Variants in DNAH5 observed in about 807,000 individuals in gnomAD.
DNAH5 encodes axonemal beta dynein heavy chain 5.
In DNAH5, 372 loss-of-function variants were observed where a neutral mutation model predicts 518.2. That is an observed-to-expected ratio of 0.72 (90% confidence interval 0.66 to 0.78). DNAH5 has a LOEUF of 0.78. Ranked by LOEUF, DNAH5 falls within the 30% of genes least tolerant of loss-of-function variation. DNAH5 has a pLI of 0.00. For missense variants in DNAH5, 5,523 were observed against 5,687.0 expected (o/e 0.97, Z 0.93); for synonymous variants, 2,039 against 2,025.9 (o/e 1.01, Z -0.17).
chr5:13,904,998 A>C (rs1256630401), intron 12 of DNAH5, among the ~76,000 whole-genome samples: 2 of 152,240 alleles, frequency 1.3e-5, no homozygotes, highest in African/African-American at 4.8e-5. Flanking sequence ...ATAATAACCA[A>C]AAGAAAGTCG....
intron 12 of DNAH5, among the ~76,000 whole-genome samples, chr5:13,910,098 C>G (rs1052036310): frequency 4.6e-5 from 7 of 152,204 alleles, no homozygotes; most frequent in Admixed American, 6.5e-5. Flanking sequence ...GTCCTTATGT[C>G]TGAATCTGCC....
intron 12 of DNAH5, among the ~76,000 whole-genome samples, chr5:13,908,332 A>G (rs1775602519): frequency 6.6e-6 from 1 of 152,350 alleles, no homozygotes; most frequent in Admixed American, 6.5e-5. Context: ...CTCTATGTAT[A>G]AATTATGCAA....
At position 13,840,986 on chromosome 5, in the gene DNAH5, C is replaced by G. The variant is rs1362563442; in HGVS notation, c.5629G>C (p.Asp1877His). The G allele has an allele frequency of 8.1e-6, 13 of 1,614,006 alleles. No homozygotes were observed. The highest frequency in any genetic ancestry group is 3.3e-5 in the Admixed American group (2 of 59,998). ...LNTLIDVTTRDLSSTERVKYE... is the reference protein window; with the variant it reads ...LNTLIDVTTRHLSSTERVKYE... Reference sequence around the variant, plus strand: ...TTCACTCGTTCCGTGGAACTCAGATCCCTCGTGGTGACGTCTATCAATGTA... The same window carrying G: ...TTCACTCGTTCCGTGGAACTCAGATGCCTCGTGGTGACGTCTATCAATGTA... Residue 1877 changes from aspartate (D) to histidine (H), a missense_variant, in exon 34 of 79, where the codon GAT becomes CAT. Physicochemically the swap from Asp to His is moderately conservative, Grantham distance 81 (BLOSUM62 -1). This residue lies in a region of DNAH5 where 5,121 missense variants were observed against 5,223.3 expected (regional missense o/e 0.98). Transcript: ENST00000265104.
At chr5:13,927,361 G>A (rs976329831) in intron 3 of DNAH5, among the ~76,000 whole-genome samples, 17 of 152,096 alleles carry the variant, frequency 1.1e-4, no homozygotes, top group South Asian at 4.2e-4. Context: ...GCGTGGTGGC[G>A]CGCACCTGTA....
intron 71 of DNAH5, 88 bp from the exon 72 acceptor site, chr5:13,719,189 A>T: frequency 2.8e-6 from 3 of 1,069,838 alleles, no homozygotes; most frequent in Non-Finnish European, 4.2e-6. Flanking sequence ...AAGTAATTAA[A>T]ATTTAATAGG....
At chr5:13,914,454 T>G in intron 10 of DNAH5, 66 bp downstream of exon 10, 1 of 1,539,686 alleles carries the variant, frequency 6.5e-7, no homozygotes, top group Non-Finnish European at 8.9e-7. Flanking sequence ...ACAAAATGAT[T>G]TAAGATGGTC....
intron 1 of DNAH5, among the ~76,000 whole-genome samples, chr5:13,941,461 C>G (rs1779452326): frequency 1.3e-5 from 2 of 152,304 alleles, no homozygotes; most frequent in Admixed American, 6.5e-5. Flanking sequence ...TTGATCTGCT[C>G]TATGTGAAAT....
intron 22 of DNAH5, among the ~76,000 whole-genome samples, chr5:13,873,354 T>C (rs1220940981): frequency 6.6e-6 from 1 of 152,262 alleles, no homozygotes; most frequent in East Asian, 1.9e-4. Flanking sequence ...TATTTTACTA[T>C]GATTATTATT....
intron 42 of DNAH5, 71 bp from the exon 43 acceptor site, chr5:13,814,917 A>T: frequency 7.0e-7 from 1 of 1,424,320 alleles, no homozygotes; most frequent in Non-Finnish European, 9.7e-7. Context: ...TAAGTTTAAA[A>T]TAGCTTGAAG....
At chr5:13,862,863 T>A in intron 28 of DNAH5, 116 bp from the exon 29 acceptor site, 1 of 318,898 alleles carries the variant, frequency 3.1e-6, no homozygotes, top group Non-Finnish European at 5.3e-6. Flanking sequence ...AATATATATA[T>A]AAACTTTTAT....
In DNAH5 at chr5:13,928,133, G is replaced by C. The variant is rs986424981; in HGVS notation, c.238C>G (p.Leu80Val). 1 of 1,613,918 alleles carries C rather than the reference G, an allele frequency of 6.2e-7. No homozygotes were observed. Among genetic ancestry groups the C allele is most frequent in the African/African-American group, 1.3e-5 (1 of 75,008 alleles). Residue 80 changes from leucine (L) to valine (V), a missense_variant, in exon 3 of 79, where the codon CTC (leucine) becomes GTC (valine). This residue lies in a region of DNAH5 where 5,121 missense variants were observed against 5,223.3 expected (regional missense o/e 0.98). Coordinates refer to ENST00000265104, the MANE Select transcript of DNAH5 (RefSeq NM_001369.3). ...QLFAVGGLRH[L>V]MFYYQDVEEA... is the part of the protein sequence containing the mutation. Reference sequence around the variant, plus strand: ...TCCACATCTTGATAGTAAAACATGAGGTGTCGGAGACCTCCAACAGCAAAA... The same window carrying C: ...TCCACATCTTGATAGTAAAACATGACGTGTCGGAGACCTCCAACAGCAAAA...
chr5:13,708,709 A>G (rs111563808), intron 75 of DNAH5, among the ~76,000 whole-genome samples: 1 of 152,328 alleles, frequency 6.6e-6, no homozygotes, highest in African/African-American at 2.4e-5. Context: ...ATGTACACAC[A>G]CACACAACCA....
rs1323990180 is a variant in DNAH5, at chr5:13,795,580, T to C, written c.7888-1522A>G. On this transcript the variant is annotated intron_variant, in intron 47 of 78. Coordinates refer to ENST00000265104, the MANE Select transcript of DNAH5 (RefSeq NM_001369.3). ...TTAATAGCCTACCAACCAAAAAAAGTCCAGGACCAGACGGATTCACAGCCA... is the reference window on the plus strand; with the variant it reads ...TTAATAGCCTACCAACCAAAAAAAGCCCAGGACCAGACGGATTCACAGCCA... Among the ~76,000 whole-genome samples the C allele has an allele frequency of 2.6e-5, 4 of 152,114 alleles. No homozygotes were observed. The South Asian group carries it at 6.2e-4, about 24-fold the overall frequency.
intron 1 of DNAH5, among the ~76,000 whole-genome samples, chr5:13,960,212 T>G (rs925387170): frequency 6.6e-6 from 1 of 152,046 alleles, no homozygotes; most frequent in African/African-American, 2.4e-5. Context: ...GTTAGGTTAC[T>G]CTGGTGGAGC....
chr5:13,757,729 A>G (rs1051696320), intron 61 of DNAH5, among the ~76,000 whole-genome samples: 2 of 152,204 alleles, frequency 1.3e-5, no homozygotes, highest in African/African-American at 4.8e-5. Flanking sequence ...AAAAGTGGGC[A>G]AAGGACATGA....
In DNAH5 at chr5:13,721,285, A is replaced by G. The variant is rs150249797; in HGVS notation, c.12034-40T>C. 5.6e-6 allele frequency: 9 copies of G among 1,613,220 alleles called. No homozygotes were observed. In the Admixed American group the frequency reaches 1.2e-4, roughly 21 times the overall value. ...ATACAAGTCAGTAAAAGTCATTCCA[A>G]CTCTTTCATGTAGATAATGTAGTGT... On this transcript the variant is annotated intron_variant, in intron 70 of 78. Transcript: ENST00000265104.
intron 1 of DNAH5, among the ~76,000 whole-genome samples, chr5:13,936,315 A>G (rs1426758532): frequency 6.6e-6 from 1 of 152,226 alleles, no homozygotes; most frequent in Non-Finnish European, 1.5e-5. Context: ...TCAAACGTTT[A>G]CACAATCTAC....
At chr5:13,715,208 G>GA (rs914803536) in intron 74 of DNAH5, among the ~76,000 whole-genome samples, 14 of 151,760 alleles carry the variant, frequency 9.2e-5, no homozygotes, top group African/African-American at 2.9e-4. Flanking sequence ...CCAACGGTTT[G>GA]AAAAAAAAGA....
In DNAH5 at chr5:13,876,760, T is replaced by C; in HGVS notation, c.3320A>G (p.Tyr1107Cys). The C allele has an allele frequency of 6.2e-7, 1 of 1,613,830 alleles. No homozygotes were observed. Among genetic ancestry groups the C allele is most frequent in the Non-Finnish European group, 8.5e-7 (1 of 1,179,758 alleles). ...CTCTTTGTTTTCAGAAACATTCTTA[T>C]AATAGTTCTTGGTTTGCACGGGAAT... Reference protein sequence around the residue: ...LPIPVQTKNYYKNVSENKEIV... With the variant: ...LPIPVQTKNYCKNVSENKEIV... Residue 1107 changes from tyrosine to cysteine, a missense_variant, in exon 22 of 79, where the codon TAT becomes TGT. Tyr to Cys is a radical substitution (Grantham distance 194). This residue lies in a region of DNAH5 where 5,121 missense variants were observed against 5,223.3 expected (regional missense o/e 0.98). Coordinates refer to ENST00000265104, the MANE Select transcript of DNAH5 (RefSeq NM_001369.3).
Sources: allele counts gnomAD v4.1 joint callset (sites outside exome capture counted in the v4.1 genomes callset), GRCh38; gene constraint gnomAD v4.1.1; regional missense constraint gnomAD v4.1.1; transcripts MANE v1.5; gene names NCBI Gene and HGNC (gene_info 2026-07-23, HGNC 2026-07-21).